The following MYRIP variants were observed in gnomAD, a reference collection of about 807,000 sequenced individuals.
The protein encoded by MYRIP is rab effector MyRIP.
Under a neutral mutation model 98.0 loss-of-function variants are expected in MYRIP, and 49 were observed. The observed-to-expected ratio is 0.50, with a 90% confidence interval of 0.40 to 0.63. The LOEUF is 0.63. Ranked by LOEUF, MYRIP falls within the 30% of genes least tolerant of loss-of-function variation. The pLI is 0.00. For missense variants in MYRIP, 1,004 were observed against 1,058.2 expected (o/e 0.95, Z 0.71); for synonymous variants, 404 against 409.5 (o/e 0.99, Z 0.16).
At chr3:40,042,304 A>T (rs1331481559) in intron 2 of MYRIP, among the ~76,000 whole-genome samples, 1 of 149,994 alleles carries the variant, frequency 6.7e-6, no homozygotes, top group Admixed American at 6.6e-5. Context: ...AAAAAAAAAA[A>T]AAAAAGAGAG....
intron 1 of MYRIP, among the ~76,000 whole-genome samples, chr3:39,811,666 G>T (rs753009605): frequency 6.8e-6 from 1 of 147,240 alleles, no homozygotes. Context: ...GTGGGGGGAG[G>T]CTGTGTGTGT....
At chr3:40,120,314 A>G (rs1949374682) in intron 3 of MYRIP, among the ~76,000 whole-genome samples, 1 of 152,196 alleles carries the variant, frequency 6.6e-6, no homozygotes, top group Non-Finnish European at 1.5e-5. Context: ...TGTTCCAACA[A>G]CCAGCTAGGA....
At chr3:40,155,688 C>T (rs1950218644) in intron 4 of MYRIP, among the ~76,000 whole-genome samples, 1 of 151,946 alleles carries the variant, frequency 6.6e-6, no homozygotes, top group African/African-American at 2.4e-5. Context: ...GCCATTCTAA[C>T]TGGTGTGAGA....
In MYRIP at chr3:39,901,348, G is replaced by A. The variant is rs539692772; in HGVS notation, c.110+422G>A. On this transcript the variant is annotated intron_variant, in intron 2 of 16. Transcript: ENST00000302541. ...TCAGCTACTGTAGCACAGGAAAAGA[G>A]CTTTGAAGATCAGATACAAGGAAAC... Among the ~76,000 whole-genome samples, 4 of 152,296 alleles carry A rather than the reference G, an allele frequency of 2.6e-5. No homozygotes were observed. In the South Asian group the frequency reaches 8.3e-4, roughly 32 times the overall value.
intron 1 of MYRIP, among the ~76,000 whole-genome samples, chr3:39,826,609 A>G (rs1390105465): frequency 6.6e-6 from 1 of 152,144 alleles, no homozygotes; most frequent in East Asian, 1.9e-4. Flanking sequence ...GCGCTGATGA[A>G]AAGAACATGC....
At chr3:39,879,377 C>CT (rs35697824) in intron 1 of MYRIP, among the ~76,000 whole-genome samples, 21,833 of 147,686 alleles carry the variant, frequency 0.15, 1,606 homozygotes, top group Middle Eastern at 0.19. Flanking sequence ...CCTTGGGTGA[C>CT]TTTTTTTTTT....
At chr3:40,066,509 T>C (rs1250938069) in intron 3 of MYRIP, among the ~76,000 whole-genome samples, 1 of 152,234 alleles carries the variant, frequency 6.6e-6, no homozygotes, top group East Asian at 1.9e-4. Context: ...TTCAACACTT[T>C]AATAACAATT....
intron 3 of MYRIP, among the ~76,000 whole-genome samples, chr3:40,105,212 A>C (rs568231527): frequency 6.6e-6 from 1 of 152,332 alleles, no homozygotes; most frequent in African/African-American, 2.4e-5. Context: ...TATCTGTATA[A>C]ATGCTATTAT....
intron 2 of MYRIP, among the ~76,000 whole-genome samples, chr3:39,979,811 A>G (rs1173046288): frequency 6.6e-6 from 1 of 152,222 alleles, no homozygotes; most frequent in Non-Finnish European, 1.5e-5. Context: ...ATATTTTCAA[A>G]TAAACACAGC....
intron 4 of MYRIP, among the ~76,000 whole-genome samples, chr3:40,153,010 T>C (rs1018319125): frequency 1.3e-5 from 2 of 151,524 alleles, no homozygotes; most frequent in Non-Finnish European, 2.9e-5. Flanking sequence ...TTTGAGCTAC[T>C]TGGGAGACTG....
chr3:39,901,782 G>T (rs1253598928), intron 2 of MYRIP, among the ~76,000 whole-genome samples: 1 of 152,054 alleles, frequency 6.6e-6, no homozygotes, highest in African/African-American at 2.4e-5. Context: ...ATTATTAATA[G>T]ATTTCTTGTC....
rs1218110182 is a variant in MYRIP at position 40,175,358 on chromosome 3, A to G, written c.873+5265A>G. ...ACATGTAACAGGACAAGCTGAGGTG[A>G]CCCACAGAGCCCACGCTGGCCAACT... On this transcript the variant is annotated intron_variant, in intron 8 of 16. Coordinates refer to ENST00000302541, the MANE Select transcript of MYRIP (RefSeq NM_015460.4). 2.0e-5 allele frequency among the ~76,000 whole-genome samples: 3 copies of G among 152,278 alleles called. No individual in the cohort carries two copies. In the East Asian group the frequency reaches 5.8e-4, roughly 29 times the overall value.
intron 10 of MYRIP, among the ~76,000 whole-genome samples, chr3:40,197,865 A>G (rs188396568): frequency 2.0e-5 from 3 of 152,292 alleles, no homozygotes; most frequent in Admixed American, 2.0e-4. Flanking sequence ...GGATAATGCT[A>G]TTCCCACTCT....
intron 3 of MYRIP, among the ~76,000 whole-genome samples, chr3:40,120,183 T>C (rs2125910315): frequency 6.6e-6 from 1 of 152,322 alleles, no homozygotes; most frequent in East Asian, 1.9e-4. Context: ...AGTTTTATTA[T>C]ATTTTAGCCT....
At chr3:39,976,600 G>A (rs2125752965) in intron 2 of MYRIP, among the ~76,000 whole-genome samples, 1 of 152,292 alleles carries the variant, frequency 6.6e-6, no homozygotes, top group Middle Eastern at 3.4e-3. Context: ...GCACACATAT[G>A]TTTATTGCAG....
At chr3:39,888,894 A>G (rs527706033) in intron 1 of MYRIP, among the ~76,000 whole-genome samples, 1 of 152,334 alleles carries the variant, frequency 6.6e-6, no homozygotes, top group Non-Finnish European at 1.5e-5. Context: ...TTCTCAAAAG[A>G]AGACATTTAT....
chr3:40,008,734 T>C (rs6783044), intron 2 of MYRIP, among the ~76,000 whole-genome samples: 138,690 of 152,224 alleles, frequency 0.91, 64,017 homozygotes, highest in Non-Finnish European at 0.99. Flanking sequence ...TGATGGTTCC[T>C]GAACCAGAAA....
chr3:39,844,579 T>C (rs955201350), intron 1 of MYRIP, among the ~76,000 whole-genome samples: 3 of 152,214 alleles, frequency 2.0e-5, no homozygotes, highest in African/African-American at 7.2e-5. Context: ...TGATTGCTTA[T>C]ATACCATTAC....
chr3:40,078,291 C>T (rs888042950), intron 3 of MYRIP, among the ~76,000 whole-genome samples: 10 of 152,220 alleles, frequency 6.6e-5, no homozygotes, highest in East Asian at 1.9e-4. Context: ...AGCCCCGGTT[C>T]GCATTCGCAC....
Sources: allele counts gnomAD v4.1 joint callset (sites outside exome capture counted in the v4.1 genomes callset), GRCh38; gene constraint gnomAD v4.1.1; transcripts MANE v1.5; gene names NCBI Gene and HGNC (gene_info 2026-07-23, HGNC 2026-07-21).